FHIT: variants seen among roughly 807,000 people sequenced by gnomAD.
FHIT encodes bis(5'-adenosyl)-triphosphatase.
In FHIT, 19 loss-of-function variants were observed where a neutral mutation model predicts 17.9. The ratio of observed to expected loss-of-function variants is 1.06; its 90% CI spans 0.74 to 1.56. The LOEUF is 1.56. Ranked by LOEUF, FHIT falls within the 40% of genes most tolerant of loss-of-function variation. FHIT has a pLI of 0.00. For synonymous variants in FHIT, 81 were observed against 69.7 expected, an observed-to-expected ratio of 1.16 and a Z score of -0.81; for missense variants, 248 against 189.2, an observed-to-expected ratio of 1.31 and a Z score of -1.82.
intron 3 of FHIT, among the ~76,000 whole-genome samples, chr3:60,844,946 G>A (rs1275307048): frequency 4.6e-5 from 7 of 151,946 alleles, no homozygotes; most frequent in Admixed American, 4.6e-4. Context: ...ACAATCATGT[G>A]ATCTGCTGGA....
intron 8 of FHIT, among the ~76,000 whole-genome samples, chr3:59,761,577 T>TCC (rs1381714653): frequency 1.3e-5 from 2 of 151,928 alleles, no homozygotes; most frequent in Non-Finnish European, 2.9e-5. Flanking sequence ...AAACAGAAGA[T>TCC]CCCTGCTTGC....
rs539734545 is a variant in FHIT, at chr3:60,371,555, A to G, written c.103+165305T>C. Among the ~76,000 whole-genome samples, 155 of 152,246 alleles carry G rather than the reference A, an allele frequency of 1.0e-3. 1 individual carries two copies. The highest frequency in any genetic ancestry group is 3.3e-3 in the African/African-American group (138 of 41,552). Reference sequence around the variant, plus strand: ...AGTCGGTTTTTAACTAAAAATATTTACAGGTTACTACAAGGCTCTTCTTTT... The same window carrying G: ...AGTCGGTTTTTAACTAAAAATATTTGCAGGTTACTACAAGGCTCTTCTTTT... On this transcript the variant is annotated intron_variant, in intron 5 of 9. Transcript: ENST00000492590.
chr3:60,542,871 A>T (rs1394576181), intron 4 of FHIT, among the ~76,000 whole-genome samples: 1 of 152,064 alleles, frequency 6.6e-6, no homozygotes, highest in African/African-American at 2.4e-5. Context: ...TCTTCTATCG[A>T]CTTTATATTT....
chr3:60,443,554 T>C (rs1195486884), intron 5 of FHIT, among the ~76,000 whole-genome samples: 4 of 152,214 alleles, frequency 2.6e-5, no homozygotes, highest in Non-Finnish European at 1.5e-5. Context: ...TCTTTGGTTC[T>C]CTTCATATGA....
chr3:60,890,811 G>C (rs1485949565), intron 3 of FHIT, among the ~76,000 whole-genome samples: 1 of 152,178 alleles, frequency 6.6e-6, no homozygotes, highest in Admixed American at 6.5e-5. Context: ...CATGGAGTTA[G>C]TTATGTCTTA....
intron 8 of FHIT, among the ~76,000 whole-genome samples, chr3:59,781,790 C>T (rs1460817909): frequency 6.6e-6 from 1 of 152,188 alleles, no homozygotes; most frequent in African/African-American, 2.4e-5. Flanking sequence ...CTTAGTGCTT[C>T]CTTGTGTCCT....
At chr3:60,543,905 G>A (rs1460975961) in intron 4 of FHIT, among the ~76,000 whole-genome samples, 3 of 16,368 alleles carry the variant, frequency 1.8e-4, no homozygotes, top group Non-Finnish European at 3.1e-4. Flanking sequence ...CACCACGCCC[G>A]GCTTTTTTTT....
intron 4 of FHIT, among the ~76,000 whole-genome samples, chr3:60,634,498 A>C (rs185639090): frequency 6.6e-6 from 1 of 152,194 alleles, no homozygotes; most frequent in South Asian, 2.1e-4. Flanking sequence ...TCCCTCTCAC[A>C]TATAAAAACT....
At chr3:61,142,287 A>T (rs909497562) in intron 2 of FHIT, among the ~76,000 whole-genome samples, 2 of 151,526 alleles carry the variant, frequency 1.3e-5, no homozygotes, top group African/African-American at 4.8e-5. Context: ...TAGTCTGCTG[A>T]GTCAAAAGTA....
At chr3:60,788,766 A>G (rs560584012) in intron 4 of FHIT, among the ~76,000 whole-genome samples, 1 of 152,236 alleles carries the variant, frequency 6.6e-6, no homozygotes, top group Non-Finnish European at 1.5e-5. Flanking sequence ...ACACATTTGC[A>G]TAAGATTCTG....
At chr3:61,065,120 G>C (rs13080382) in intron 2 of FHIT, among the ~76,000 whole-genome samples, 82,850 of 151,406 alleles carry the variant, frequency 0.55, 23,724 homozygotes, top group Non-Finnish European at 0.65. Flanking sequence ...GACACATGAA[G>C]ATTCCTATTA....
intron 5 of FHIT, among the ~76,000 whole-genome samples, chr3:60,535,055 C>G (rs936056016): frequency 3.9e-5 from 6 of 152,172 alleles, no homozygotes; most frequent in Non-Finnish European, 5.9e-5. Context: ...AAAACCCCGT[C>G]TCTACTAAAA....
At chr3:60,379,610 T>C (rs1412346460) in intron 5 of FHIT, among the ~76,000 whole-genome samples, 3 of 152,146 alleles carry the variant, frequency 2.0e-5, no homozygotes, top group Non-Finnish European at 2.9e-5. Flanking sequence ...AGCAGGTCAT[T>C]ACCAAAATGA....
intron 4 of FHIT, among the ~76,000 whole-genome samples, chr3:60,650,697 T>C (rs2039969846): frequency 6.6e-6 from 1 of 152,214 alleles, no homozygotes; most frequent in South Asian, 2.1e-4. Flanking sequence ...GCTTCTGTGA[T>C]AGAAAAGGGA....
chr3:60,714,040 T>C (rs2107944119), intron 4 of FHIT, among the ~76,000 whole-genome samples: 1 of 152,246 alleles, frequency 6.6e-6, no homozygotes, highest in Admixed American at 6.5e-5. Context: ...CTCAATAAAA[T>C]ACTGGCAAAC....
chr3:60,552,275 T>C (rs1417087377), intron 4 of FHIT, among the ~76,000 whole-genome samples: 2 of 152,244 alleles, frequency 1.3e-5, no homozygotes, highest in African/African-American at 4.8e-5. Context: ...CGTTTGTGAA[T>C]AGTGCTGTGA....
chr3:60,630,856 C>G (rs1392639293), intron 4 of FHIT, among the ~76,000 whole-genome samples: 1 of 151,146 alleles, frequency 6.6e-6, no homozygotes, highest in Non-Finnish European at 1.5e-5. Context: ...AATGTCTTAC[C>G]TGAGTCCCTG....
intron 2 of FHIT, among the ~76,000 whole-genome samples, chr3:61,149,237 C>G (rs1195572516): frequency 1.3e-5 from 2 of 151,870 alleles, no homozygotes; most frequent in African/African-American, 2.4e-5. Context: ...TGACATCTAC[C>G]CCATGCCAGG....
chr3:60,508,913 C>T (rs1484608426), intron 5 of FHIT, among the ~76,000 whole-genome samples: 1 of 152,096 alleles, frequency 6.6e-6, no homozygotes, highest in Non-Finnish European at 1.5e-5. Context: ...CTACACCTGG[C>T]TGATGAAGTA....
Sources: allele counts gnomAD v4.1 joint callset (sites outside exome capture counted in the v4.1 genomes callset), GRCh38; gene constraint gnomAD v4.1.1; transcripts MANE v1.5; gene names NCBI Gene and HGNC (gene_info 2026-07-23, HGNC 2026-07-21).